Variants in SOD2 observed in about 807,000 individuals in gnomAD.
The protein encoded by SOD2 is superoxide dismutase 2.
In SOD2, 11 loss-of-function variants were observed where a neutral mutation model predicts 27.0. The observed-to-expected ratio is 0.41, with a 90% CI of 0.26 to 0.67. SOD2 has a LOEUF of 0.67. SOD2 is among the 30% of genes least tolerant of loss of function. SOD2 has a pLI of 0.34. For synonymous variants in SOD2, 105 were observed against 103.0 expected, an observed-to-expected ratio of 1.02 and a Z score of -0.12; for missense variants, 250 against 274.5, an observed-to-expected ratio of 0.91 and a Z score of 0.63.
chr6:159,737,533 G>A (rs975343872), intron 1 of SOD2, among the ~76,000 whole-genome samples: 1 of 151,848 alleles, frequency 6.6e-6, no homozygotes, highest in Non-Finnish European at 1.5e-5. Flanking sequence ...TCACTCTGTT[G>A]CCCATGCTGG....
chr6:159,712,911 T>C lies in SOD2; in HGVS notation c.-116+14218A>G, dbSNP rs114344178. The C allele has an allele frequency of 1.2e-3, 792 of 640,226 alleles. 7 individuals carry two copies. The African/African-American group carries it at 0.013, about 11-fold the overall frequency. The allele number at this position is 640,226 out of a possible 1,614,324, so 39.7% of individuals were successfully genotyped here. On this transcript the variant is annotated intron_variant, in intron 1 of 2. Coordinates refer to the SOD2 transcript ENST00000401980. ...TCATAAACCCCCCTACTTGTTCCTATAGCATTTAAAAAGGTCTCCCTGTAC... is the reference window on the plus strand; with the variant it reads ...TCATAAACCCCCCTACTTGTTCCTACAGCATTTAAAAAGGTCTCCCTGTAC...
rs1779740981 is a variant in SOD2, at chr6:159,674,844, A to G, written c.*7649T>C. The G allele has an allele frequency of 6.6e-6, 1 of 152,232 alleles. No homozygotes were observed. Among genetic ancestry groups the G allele is most frequent in the Non-Finnish European group, 1.5e-5 (1 of 68,046 alleles). 9.4% of individuals were successfully genotyped at this position (152,232 alleles called of 1,614,324 possible). ...AGATGACATGATTTTATATTTAGAA[A>G]ACCCCATCATCTCAGCCCAAAATCT... On this transcript the variant is annotated 3_prime_UTR_variant, in exon 5 of 5. Transcript: ENST00000538183.
intron 1 of SOD2, among the ~76,000 whole-genome samples, chr6:159,736,103 A>G (rs1349107114): frequency 6.6e-6 from 1 of 152,172 alleles, no homozygotes; most frequent in Admixed American, 6.5e-5. Flanking sequence ...TTTTTTGTAA[A>G]TCTAAAACTA....
At chr6:159,717,979 TC>T (rs1777954541) in intron 1 of SOD2, among the ~76,000 whole-genome samples, 1 of 151,948 alleles carries the variant, frequency 6.6e-6, no homozygotes, top group Non-Finnish European at 1.5e-5. Flanking sequence ...TTTTTCTTTT[TC>T]TTTCTCTCTC....
Position 159,671,681 on chromosome 6 carries a change from G to A in SOD2, c.*10812C>T, listed in dbSNP as rs1238756086. 1 of 152,184 alleles carries A rather than the reference G, an allele frequency of 6.6e-6. No homozygotes were observed. The highest frequency in any genetic ancestry group is 6.5e-5 in the Admixed American group (1 of 15,272). 9.4% of individuals were successfully genotyped at this position (152,184 alleles called of 1,614,324 possible). On this transcript the variant is annotated 3_prime_UTR_variant, in exon 5 of 5. Transcript: ENST00000538183. ...AAAGCTGAAAATTCTAAAAATCAGA[G>A]CGCCTCTCCCCCTCCAAAGGAACAT... is the stretch of plus-strand genomic sequence containing the variant.
At chr6:159,727,144 C>A in exon 1 of SOD2, 3 of 1,195,376 alleles carry the variant, frequency 2.5e-6, no homozygotes, top group Non-Finnish European at 3.2e-6. Context: ...TTGCTGAGCT[C>A]CGGGGCCCGC....
At chr6:159,717,431 T>C (rs1267649049) in intron 1 of SOD2, among the ~76,000 whole-genome samples, 3 of 152,228 alleles carry the variant, frequency 2.0e-5, no homozygotes, top group Non-Finnish European at 4.4e-5. Context: ...TTATTATTTT[T>C]ATTTGACACA....
At chr6:159,747,132 A>G (rs1779622044), upstream of SOD2, among the ~76,000 whole-genome samples, 1 of 152,214 alleles carries the variant, frequency 6.6e-6, no homozygotes, top group Admixed American at 6.5e-5. Context: ...AATCCTATTT[A>G]AGCCTTAGTA....
intron 1 of SOD2, chr6:159,713,922 A>G (rs1169393295): frequency 2.2e-6 from 2 of 909,794 alleles, no homozygotes; most frequent in African/African-American, 1.6e-5. Flanking sequence ...TCATCAGCTG[A>G]GCAGGACCAG....
chr6:159,739,086 ACATTATATTGTGACT>A, intron 1 of SOD2: 1 of 1,497,136 alleles, frequency 6.7e-7, no homozygotes, highest in Non-Finnish European at 9.3e-7. Context: ...TTTCTATAGA[ACATTATATTGTGACT>A]CTACACTGTA....
At chr6:159,692,598 G>A in intron 2 of SOD2, 63 bp downstream of exon 2, 1 of 1,601,740 alleles carries the variant, frequency 6.2e-7, no homozygotes, top group Non-Finnish European at 8.5e-7. Flanking sequence ...GTCCGTATGG[G>A]GCCTGGCTCC....
upstream of SOD2, chr6:159,727,375 G>C: frequency 3.0e-6 from 3 of 1,008,606 alleles, no homozygotes; most frequent in South Asian, 4.9e-5. Flanking sequence ...CGGGGAGGCT[G>C]GCGGGAGGCG....
intron 1 of SOD2, chr6:159,741,450 AC>A (rs1779250364): frequency 6.6e-6 from 1 of 152,248 alleles, no homozygotes; most frequent in Non-Finnish European, 1.5e-5. Context: ...ATAATGAGGC[AC>A]ATTTCTAATA....
chr6:159,738,881 T>C, intron 1 of SOD2: 1 of 707,672 alleles, frequency 1.4e-6, no homozygotes, highest in South Asian at 2.6e-5. Context: ...AATCATAATA[T>C]GTACTGAGCC....
rs1256917931 is a variant in SOD2 at position 159,753,863 on chromosome 6, A to C, written c.-335-5187T>G. On this transcript the variant is annotated intron_variant, in intron 1 of 7. Transcript: ENST00000546087. The stretch of plus-strand genomic sequence containing the variant: ...TACATTTTTGTTTTTAGTTGGGGGT[A>C]GGATTTGGTAAAAGATAAAAGGGTG... 2.0e-5 allele frequency among the ~76,000 whole-genome samples: 3 copies of C among 152,204 alleles called. No individual in the cohort carries two copies. In the East Asian group the frequency reaches 5.8e-4, roughly 29 times the overall value.
At chr6:159,693,031 G>C (rs949114517) in intron 1 of SOD2, 114 bp downstream of exon 1, 1 of 1,450,648 alleles carries the variant, frequency 6.9e-7, no homozygotes, top group Admixed American at 2.4e-5. Flanking sequence ...ACCGCCTGCA[G>C]GTGCCCCGGT....
exon 1 of SOD2, chr6:159,761,971 T>G: frequency 8.4e-7 from 1 of 1,183,558 alleles, no homozygotes; most frequent in East Asian, 2.6e-5. Context: ...CGCGGGGAGG[T>G]GGAGGGCGAG....
chr6:159,708,559 C>G (rs1010868216), intron 1 of SOD2, among the ~76,000 whole-genome samples: 1 of 152,158 alleles, frequency 6.6e-6, no homozygotes, highest in Admixed American at 6.6e-5. Flanking sequence ...ATCCAACTTA[C>G]AAGGTATGTG....
At chr6:159,702,295 ATTTT>A (rs112350033) in intron 1 of SOD2, among the ~76,000 whole-genome samples, 1 of 142,650 alleles carries the variant, frequency 7.0e-6, no homozygotes. Flanking sequence ...TCTGTATAAA[ATTTT>A]TTTTTTTTTT....
Sources: gnomAD v4.1 joint callset for allele counts (sites outside exome capture counted in the v4.1 genomes callset) on GRCh38, gnomAD v4.1.1 for gene constraint, MANE v1.5 for transcripts, NCBI Gene and HGNC (gene_info 2026-07-23, HGNC 2026-07-21) for gene names.